Variants in PDE1A observed in about 807,000 individuals in gnomAD.
PDE1A encodes dual specificity calcium/calmodulin-dependent 3',5'-cyclic nucleotide phosphodiesterase 1A.
In PDE1A, 35 loss-of-function variants were observed where a neutral mutation model predicts 61.7. The observed-to-expected ratio is 0.57, with a 90% confidence interval of 0.43 to 0.75. The LOEUF is 0.75. PDE1A is among the 30% of genes least tolerant of loss of function. PDE1A has a pLI of 0.00. For missense variants in PDE1A, 597 were observed against 630.6 expected (o/e 0.95, Z 0.57); for synonymous variants, 232 against 213.2 (o/e 1.09, Z -0.77).
chr2:182,581,529 C>A, the PDE1A span, among the ~76,000 whole-genome samples: 2 of 152,110 alleles, frequency 1.3e-5, no homozygotes, highest in African/African-American at 2.4e-5. Flanking sequence ...AGACCTGCAC[C>A]CATGTCAGAA....
At chr2:182,540,299 G>C in the PDE1A span, among the ~76,000 whole-genome samples, 1 of 151,356 alleles carries the variant, frequency 6.6e-6, no homozygotes, top group Non-Finnish European at 1.5e-5. Context: ...AGGAGGCAGA[G>C]GGTGCAATGA....
chr2:182,675,716 A>T, the PDE1A span, among the ~76,000 whole-genome samples: 14 of 152,178 alleles, frequency 9.2e-5, 1 homozygote, highest in East Asian at 2.5e-3. Flanking sequence ...ACTAATGTTG[A>T]GCTTTTTTTC....
intron 2 of PDE1A, among the ~76,000 whole-genome samples, chr2:182,492,958 A>T (rs1336356051): frequency 6.6e-6 from 1 of 150,656 alleles, no homozygotes; most frequent in Non-Finnish European, 1.5e-5. Flanking sequence ...GTGTCAGTGT[A>T]ATGCCCACAT....
At chr2:182,653,073 GC>G in the PDE1A span, among the ~76,000 whole-genome samples, 1 of 152,078 alleles carries the variant, frequency 6.6e-6, no homozygotes, top group African/African-American at 2.4e-5. Flanking sequence ...TTTTTTGGCT[GC>G]CATTCTGCTG....
At chr2:182,688,025 A>G in the PDE1A span, among the ~76,000 whole-genome samples, 19 of 152,346 alleles carry the variant, frequency 1.2e-4, 1 homozygote, top group East Asian at 3.5e-3. Flanking sequence ...ATATGGGACT[A>G]TGTGAAAAGA....
chr2:182,220,351 A>G (rs1688615864), intron 7 of PDE1A, among the ~76,000 whole-genome samples: 1 of 152,084 alleles, frequency 6.6e-6, no homozygotes, highest in South Asian at 2.1e-4. Context: ...CATTTGCACT[A>G]TATGGCACCA....
At chr2:182,570,115 T>C in the PDE1A span, among the ~76,000 whole-genome samples, 3 of 152,162 alleles carry the variant, frequency 2.0e-5, no homozygotes, top group Non-Finnish European at 4.4e-5. Flanking sequence ...TCTATCTTAT[T>C]CTACAAGAGA....
chr2:182,626,851 A>G, the PDE1A span, among the ~76,000 whole-genome samples: 36 of 31,178 alleles, frequency 1.2e-3, 2 homozygotes, highest in Non-Finnish European at 2.2e-3. Context: ...ATATATACAT[A>G]TATATATACA....
exon 14 of PDE1A, chr2:182,147,144 C>A: frequency 6.3e-7 from 1 of 1,586,328 alleles, no homozygotes; most frequent in South Asian, 1.1e-5. Context: ...TTATGAAGAT[C>A]AGATTCACCT....
the PDE1A span, among the ~76,000 whole-genome samples, chr2:182,671,213 C>T: frequency 6.6e-6 from 1 of 151,922 alleles, no homozygotes; most frequent in African/African-American, 2.4e-5. Context: ...GCTCTGTCGC[C>T]CAGGCTGGAG....
rs561600008 is a variant in PDE1A at position 182,449,998 on chromosome 2, T to A, written c.101+72278A>T. ...TTGGATCATCCATGTAAAGCATTTA[T>A]AATGCTACAACATAAAATGTGCTAG... On this transcript the variant is annotated intron_variant, in intron 2 of 14. Transcript: ENST00000410103. 5.4e-4 allele frequency among the ~76,000 whole-genome samples: 82 copies of A among 152,240 alleles called. 1 individual carries two copies. The highest frequency in any genetic ancestry group is 1.0e-3 in the South Asian group (5 of 4,824).
chr2:182,547,530 G>T, the PDE1A span, among the ~76,000 whole-genome samples: 1 of 152,108 alleles, frequency 6.6e-6, no homozygotes, highest in Non-Finnish European at 1.5e-5. Flanking sequence ...TATTAATCAG[G>T]CCAGGTTAAC....
chr2:182,351,304 T>C (rs1048297049), intron 1 of PDE1A, among the ~76,000 whole-genome samples: 1 of 152,182 alleles, frequency 6.6e-6, no homozygotes, highest in African/African-American at 2.4e-5. Flanking sequence ...TGTGGATAAA[T>C]GCTTACACCT....
intron 10 of PDE1A, among the ~76,000 whole-genome samples, chr2:182,193,576 A>G (rs1232713917): frequency 6.6e-6 from 1 of 152,034 alleles, no homozygotes; most frequent in East Asian, 1.9e-4. Flanking sequence ...TGGAAAATTT[A>G]AGGAATTTAG....
At chr2:182,394,125 A>G (rs1472401132) in intron 1 of PDE1A, among the ~76,000 whole-genome samples, 1 of 152,180 alleles carries the variant, frequency 6.6e-6, no homozygotes, top group Non-Finnish European at 1.5e-5. Context: ...ATTGGTGCCA[A>G]TTCACTGTAT....
intron 2 of PDE1A, among the ~76,000 whole-genome samples, chr2:182,485,793 C>T (rs921915023): frequency 6.6e-6 from 1 of 151,934 alleles, no homozygotes; most frequent in African/African-American, 2.4e-5. Context: ...AAATCTAATA[C>T]ATATTCATGA....
chr2:182,564,718 A>G, the PDE1A span, among the ~76,000 whole-genome samples: 1 of 152,146 alleles, frequency 6.6e-6, no homozygotes, highest in Admixed American at 6.5e-5. Flanking sequence ...GTCTTTTCAC[A>G]TAGTCCCACA....
upstream of PDE1A, among the ~76,000 whole-genome samples, chr2:182,429,587 C>T (rs778348151): frequency 2.0e-5 from 3 of 152,080 alleles, no homozygotes. Context: ...ATCGTCCTAA[C>T]TGGTGCTCAA....
At chr2:182,543,857 T>C in the PDE1A span, among the ~76,000 whole-genome samples, 4 of 152,158 alleles carry the variant, frequency 2.6e-5, no homozygotes, top group South Asian at 2.1e-4. Context: ...TAAAACTATA[T>C]GGCAATTGAG....
Sources: allele counts gnomAD v4.1 joint callset (sites outside exome capture counted in the v4.1 genomes callset), GRCh38; gene constraint gnomAD v4.1.1; transcripts MANE v1.5; gene names NCBI Gene and HGNC (gene_info 2026-07-23, HGNC 2026-07-21).